Variants in VPS8 observed in about 807,000 individuals in gnomAD.
The protein encoded by VPS8 is vacuolar protein sorting-associated protein 8 homolog.
Under a neutral mutation model 216.4 loss-of-function variants are expected in VPS8, and 129 were observed. The ratio of observed to expected loss-of-function variants is 0.60; its 90% CI spans 0.52 to 0.69. The LOEUF is 0.69. Among genes scored for constraint, VPS8 ranks in the 30% least tolerant of loss-of-function variants. VPS8 has a pLI of 0.00. For synonymous variants in VPS8, 571 were observed against 565.4 expected (o/e 1.01, Z -0.14); for missense variants, 1,531 against 1,683.5 (o/e 0.91, Z 1.59).
chr3:185,040,265 A>C (rs1684423773), intron 46 of VPS8, among the ~76,000 whole-genome samples: 2 of 152,154 alleles, frequency 1.3e-5, no homozygotes, highest in African/African-American at 4.8e-5. Flanking sequence ...GTGCTAGAAG[A>C]AGCCTCTCTC....
chr3:185,011,910 G>A (rs1330501259), intron 45 of VPS8, among the ~76,000 whole-genome samples: 3 of 152,152 alleles, frequency 2.0e-5, no homozygotes, highest in East Asian at 1.9e-4. Flanking sequence ...AAAGTATTTC[G>A]TGGAAAAGAT....
At chr3:184,996,231 G>T in intron 43 of VPS8, 101 bp from the exon 44 acceptor site, 1 of 1,332,930 alleles carries the variant, frequency 7.5e-7, no homozygotes, top group Non-Finnish European at 1.0e-6. Context: ...TTTAGCTGTT[G>T]GTAGTTGAAA....
At chr3:184,912,473 G>GTTTGTT (rs777135085) in intron 25 of VPS8, among the ~76,000 whole-genome samples, 20 of 152,226 alleles carry the variant, frequency 1.3e-4, no homozygotes, top group Middle Eastern at 3.4e-3. Flanking sequence ...ATTTTCGTTT[G>GTTTGTT]TTTGTTTTTG....
chr3:184,863,738 A>G (rs1726819465), intron 16 of VPS8, among the ~76,000 whole-genome samples: 1 of 152,204 alleles, frequency 6.6e-6, no homozygotes, highest in African/African-American at 2.4e-5. Flanking sequence ...CCTAAACCAC[A>G]AATCTTTAAG....
At chr3:184,998,475 A>T (rs1752916095) in intron 44 of VPS8, among the ~76,000 whole-genome samples, 1 of 132,232 alleles carries the variant, frequency 7.6e-6, no homozygotes. Flanking sequence ...ATAGAAGAGG[A>T]AGTTTATATA....
At chr3:184,936,665 A>T (rs1006384073) in intron 35 of VPS8, among the ~76,000 whole-genome samples, 1 of 151,516 alleles carries the variant, frequency 6.6e-6, no homozygotes. Flanking sequence ...ACTATAATGT[A>T]CTTATCCTAG....
intron 21 of VPS8, among the ~76,000 whole-genome samples, chr3:184,873,705 G>A (rs1728751808): frequency 6.6e-6 from 1 of 151,988 alleles, no homozygotes. Context: ...GTTTTAAAGT[G>A]GAAAAGTCCA....
Position 185,052,417 on chromosome 3 carries a change from A to G in VPS8, c.*392A>G, listed in dbSNP as rs1714437316. 1 of 176,854 alleles carries G rather than the reference A, an allele frequency of 5.7e-6. No homozygotes were observed. Among genetic ancestry groups the G allele is most frequent in the Non-Finnish European group, 1.2e-5 (1 of 84,254 alleles). 11.0% of individuals were successfully genotyped at this position (176,854 alleles called of 1,614,324 possible). On this transcript the variant is annotated 3_prime_UTR_variant, in exon 48 of 48. Coordinates refer to ENST00000625842, the MANE Select transcript of VPS8 (RefSeq NM_001009921.3). The stretch of plus-strand genomic sequence containing the variant: ...ATACTCCGTCTCCTCCAGCTGCTGG[A>G]TAATACAGAGGAACTTCAACTTCTA...
intron 25 of VPS8, among the ~76,000 whole-genome samples, chr3:184,912,910 C>T (rs1736823967): frequency 6.6e-6 from 1 of 152,212 alleles, no homozygotes; most frequent in Admixed American, 6.5e-5. Flanking sequence ...CCTGTTGATG[C>T]TCCTGCTCCA....
rs760644793 is a variant in VPS8, at chr3:184,860,066, G to A, written c.1224+1G>A. ...ATACTATGACCTCATCAACTTTACC[G>A]TGAGTATTATTCAAATTAAATATCC... On this transcript the variant is annotated splice_donor_variant, in intron 15 of 47. Coordinates refer to ENST00000625842, the MANE Select transcript of VPS8 (RefSeq NM_001009921.3). LOFTEE classifies it high-confidence loss of function. 13 of 1,602,822 alleles carry A rather than the reference G, an allele frequency of 8.1e-6. No individual in the cohort carries two copies. The highest frequency in any genetic ancestry group is 4.4e-5 in the South Asian group (4 of 90,402).
At chr3:184,950,216 C>CCTT (rs572473474) in intron 36 of VPS8, among the ~76,000 whole-genome samples, 4 of 39,930 alleles carry the variant, frequency 1.0e-4, no homozygotes, top group Non-Finnish European at 1.2e-4. Flanking sequence ...CAGTTTTCTG[C>CCTT]TTTTTTTTTT....
At chr3:184,992,192 AT>A (rs1305285564) in intron 42 of VPS8, among the ~76,000 whole-genome samples, 1 of 152,126 alleles carries the variant, frequency 6.6e-6, no homozygotes, top group African/African-American at 2.4e-5. Context: ...TCCTGAGACA[AT>A]TCTTATACAG....
At chr3:184,940,668 G>T (rs977234523) in intron 36 of VPS8, among the ~76,000 whole-genome samples, 3 of 152,100 alleles carry the variant, frequency 2.0e-5, no homozygotes, top group African/African-American at 7.2e-5. Context: ...TTTAAACTCT[G>T]ACTTAATATG....
At chr3:184,877,475 G>A (rs1729480455) in intron 21 of VPS8, among the ~76,000 whole-genome samples, 1 of 152,148 alleles carries the variant, frequency 6.6e-6, no homozygotes, top group African/African-American at 2.4e-5. Context: ...ACCAAATGTA[G>A]GACTTAGTAT....
chr3:184,834,839 G>A (rs931149282), intron 5 of VPS8, 97 bp downstream of exon 5: 12 of 918,716 alleles, frequency 1.3e-5, no homozygotes, highest in Non-Finnish European at 1.8e-5. Flanking sequence ...CTCTTGGCCC[G>A]AGGCTTAAGA....
At chr3:184,916,282 G>A (rs1560662826) in intron 28 of VPS8, among the ~76,000 whole-genome samples, 1 of 152,178 alleles carries the variant, frequency 6.6e-6, no homozygotes, top group Non-Finnish European at 1.5e-5. Flanking sequence ...TAGATATAAT[G>A]TATCTTCTGA....
intron 46 of VPS8, among the ~76,000 whole-genome samples, chr3:185,036,254 A>G (rs1758863346): frequency 6.6e-6 from 1 of 152,212 alleles, no homozygotes; most frequent in Non-Finnish European, 1.5e-5. Context: ...GAATTAGAAA[A>G]AAACTATTCT....
At chr3:184,936,824 G>A (rs1236349648) in intron 35 of VPS8, among the ~76,000 whole-genome samples, 2 of 150,728 alleles carry the variant, frequency 1.3e-5, no homozygotes, top group Non-Finnish European at 3.0e-5. Context: ...TGCGAGCTCC[G>A]CCTCCCGGGT....
intron 46 of VPS8, among the ~76,000 whole-genome samples, chr3:185,035,227 T>C (rs1758714943): frequency 6.6e-6 from 1 of 152,094 alleles, no homozygotes; most frequent in Non-Finnish European, 1.5e-5. Flanking sequence ...TTCCAAAATA[T>C]TGAGGAAGGA....
Sources: allele counts gnomAD v4.1 joint callset (sites outside exome capture counted in the v4.1 genomes callset), GRCh38; gene constraint gnomAD v4.1.1; transcripts MANE v1.5; gene names NCBI Gene and HGNC (gene_info 2026-07-23, HGNC 2026-07-21).